The following CRYM variants were observed in gnomAD, a reference collection of about 807,000 sequenced individuals.
CRYM encodes the protein crystallin mu, also known as ketimine reductase mu-crystallin.
A neutral mutation model predicts 32.9 loss-of-function variants in CRYM; 18 were observed. That is an observed-to-expected ratio of 0.55 (90% CI 0.38 to 0.81). The LOEUF is 0.81. Among genes scored for constraint, CRYM ranks in the 30% least tolerant of loss-of-function variants. The pLI is 0.00. For missense variants in CRYM, 337 were observed against 393.5 expected (o/e 0.86, Z 1.21); for synonymous variants, 153 against 152.4 (o/e 1.00, Z -0.03).
chr16:21,279,057 A>G (rs2093393419), upstream of CRYM: 1 of 152,222 alleles, frequency 6.6e-6, no homozygotes, highest in African/African-American at 2.4e-5. Flanking sequence ...AGTTAATTCA[A>G]AGAAAAGAGA....
chr16:21,265,959 C>T (rs1219833286), intron 5 of CRYM, among the ~76,000 whole-genome samples: 2 of 152,204 alleles, frequency 1.3e-5, no homozygotes, highest in African/African-American at 4.8e-5. Context: ...CACAGTGGCT[C>T]ACGCCTGTAA....
chr16:21,282,585 A>C (rs226033), upstream of CRYM, among the ~76,000 whole-genome samples: 1 of 151,948 alleles, frequency 6.6e-6, no homozygotes, highest in South Asian at 2.1e-4. Context: ...TCTGACTCCC[A>C]CATTACTAGA....
At chr16:21,289,097 C>T (rs1006602369) in intron 1 of CRYM, among the ~76,000 whole-genome samples, 1 of 151,920 alleles carries the variant, frequency 6.6e-6, no homozygotes, top group African/African-American at 2.4e-5. Flanking sequence ...TTATATATAC[C>T]TTTAGGTCAG....
At chr16:21,287,639 C>T (rs143205220) in intron 1 of CRYM, among the ~76,000 whole-genome samples, 38 of 152,272 alleles carry the variant, frequency 2.5e-4, no homozygotes, top group Non-Finnish European at 4.3e-4. Context: ...ATTGCTTTAA[C>T]CAATCATGAT....
At chr16:21,283,887 G>C (rs996856007) in intron 1 of CRYM, 1 of 152,464 alleles carries the variant, frequency 6.6e-6, no homozygotes, top group South Asian at 2.1e-4. Context: ...GCGGGCCGTT[G>C]GGGAGGGTGT....
intron 1 of CRYM, chr16:21,300,646 G>C (rs918100529): frequency 7.2e-5 from 11 of 152,260 alleles, no homozygotes; most frequent in Admixed American, 7.2e-4. Context: ...CCAGTTTGGG[G>C]CGGAGGATGT....
At chr16:21,268,678 AG>A (rs1327379524) in intron 4 of CRYM, 2 of 152,242 alleles carry the variant, frequency 1.3e-5, no homozygotes, top group African/African-American at 4.8e-5. Context: ...TGCAAAAATT[AG>A]ATAACCTGAA....
intron 1 of CRYM, chr16:21,283,390 T>TGAA (rs1413786093): frequency 1.3e-5 from 2 of 152,204 alleles, no homozygotes; most frequent in African/African-American, 4.8e-5. Context: ...GATTACTGAC[T>TGAA]TTTCCTTTTG....
At chr16:21,269,270 T>C (rs1052068400) in intron 4 of CRYM, among the ~76,000 whole-genome samples, 1 of 151,588 alleles carries the variant, frequency 6.6e-6, no homozygotes, top group Non-Finnish European at 1.5e-5. Flanking sequence ...AACTGCTCCA[T>C]CCCTTTCATA....
upstream of CRYM, among the ~76,000 whole-genome samples, chr16:21,280,975 T>C (rs2093396941): frequency 6.6e-6 from 1 of 151,778 alleles, no homozygotes; most frequent in East Asian, 2.0e-4. Flanking sequence ...TGTGGTAGCA[T>C]GTGCCTGTAA....
At chr16:21,260,966 C>T in intron 7 of CRYM, 1 of 497,954 alleles carries the variant, frequency 2.0e-6, no homozygotes, top group Non-Finnish European at 3.7e-6. Context: ...GCAAATCCCA[C>T]CTAATCCTCA....
At chr16:21,294,795 C>T (rs1960753696) in intron 1 of CRYM, among the ~76,000 whole-genome samples, 1 of 150,920 alleles carries the variant, frequency 6.6e-6, no homozygotes, top group African/African-American at 2.4e-5. Context: ...CCTGGGTTCA[C>T]ACCATTCTTC....
At position 21,262,057 on chromosome 16, in the gene CRYM, C is replaced by T; in HGVS notation, c.775G>A (p.Gly259Arg). The T allele has an allele frequency of 6.2e-7, 1 of 1,614,074 alleles. No homozygotes were observed. The highest frequency in any genetic ancestry group is 8.5e-7 in the Non-Finnish European group (1 of 1,179,982). The change falls in exon 6 of 8, where the codon GGA (glycine) becomes AGA (arginine). Residue 259 changes from glycine (G) to arginine (R), a missense_variant. By Grantham distance (125) the Gly-to-Arg change is moderately radical (BLOSUM62 -2). Coordinates refer to ENST00000572914, the MANE Select transcript of CRYM (RefSeq NM_001376256.1). ...DSQEAALKESGDVLLSGAEIF... is the reference protein window; with the variant it reads ...DSQEAALKESRDVLLSGAEIF... ...CTCACCCCTGACAGCAGGACATCTC[C>T]AGACTCCTTCAGGGCAGCCTCCTGG... is the stretch of plus-strand genomic sequence containing the variant.
chr16:21,297,258 G>A (rs994853719), intron 1 of CRYM, among the ~76,000 whole-genome samples: 4 of 152,096 alleles, frequency 2.6e-5, no homozygotes, highest in East Asian at 1.9e-4. Context: ...GCCGGGCATG[G>A]TGGCACATGC....
chr16:21,281,227 T>C (rs1597623676), upstream of CRYM, among the ~76,000 whole-genome samples: 1 of 151,428 alleles, frequency 6.6e-6, no homozygotes, highest in Non-Finnish European at 1.5e-5. Flanking sequence ...TGTATCTATA[T>C]AGATATGTAT....
At chr16:21,273,542 A>G (rs1455438960) in intron 3 of CRYM, among the ~76,000 whole-genome samples, 1 of 152,136 alleles carries the variant, frequency 6.6e-6, no homozygotes, top group African/African-American at 2.4e-5. Flanking sequence ...TCACTCTGTG[A>G]TTTTGATTCA....
intron 1 of CRYM, among the ~76,000 whole-genome samples, chr16:21,298,883 G>A (rs571832031): frequency 6.6e-6 from 1 of 152,234 alleles, no homozygotes; most frequent in African/African-American, 2.4e-5. Flanking sequence ...TTACAAACAT[G>A]TGTTTTTTCA....
chr16:21,301,931 T>C (rs1434891997), intron 1 of CRYM, among the ~76,000 whole-genome samples: 1 of 152,086 alleles, frequency 6.6e-6, no homozygotes, highest in East Asian at 1.9e-4. Context: ...TCTGCCGGCG[T>C]CCCCCTGCGC....
At chr16:21,275,461 T>A in intron 3 of CRYM, 71 bp downstream of exon 3, 2 of 1,360,694 alleles carry the variant, frequency 1.5e-6, no homozygotes, top group Non-Finnish European at 1.1e-6. Context: ...TCTCCTTTAG[T>A]CTCTCAAGAT....
Sources: allele counts gnomAD v4.1 joint callset (sites outside exome capture counted in the v4.1 genomes callset), GRCh38; gene constraint gnomAD v4.1.1; transcripts MANE v1.5; gene names NCBI Gene and HGNC (gene_info 2026-07-23, HGNC 2026-07-21).